The following BAG4 variants were observed in gnomAD, a reference collection of about 807,000 sequenced individuals.
BAG4 encodes the protein BAG cochaperone 4.
Under a neutral mutation model 52.1 loss-of-function variants are expected in BAG4, and 28 were observed. The observed-to-expected ratio is 0.54, with a 90% CI of 0.40 to 0.74. BAG4 has a LOEUF of 0.74. Ranked by LOEUF, BAG4 falls within the 30% of genes least tolerant of loss-of-function variation. The probability of loss-of-function intolerance (pLI) is 0.00; values close to 1 mark genes in which losing one functional copy is unlikely to be tolerated. For synonymous variants in BAG4, 208 were observed against 217.0 expected, an observed-to-expected ratio of 0.96 and a Z score of 0.37; for missense variants, 525 against 572.0, an observed-to-expected ratio of 0.92 and a Z score of 0.84.
chr8:38,200,991 C>CA (rs1365091433), intron 2 of BAG4, among the ~76,000 whole-genome samples: 1 of 152,168 alleles, frequency 6.6e-6, no homozygotes, highest in Non-Finnish European at 1.5e-5. Context: ...AGACAAAACT[C>CA]ATAGTCATGA....
intron 2 of BAG4, among the ~76,000 whole-genome samples, chr8:38,194,378 A>C (rs1803526861): frequency 7.3e-6 from 1 of 136,794 alleles, no homozygotes; most frequent in Admixed American, 7.5e-5. Flanking sequence ...GAATTTCCTT[A>C]GGGTCTGGAA....
chr8:38,176,920 C>T lies in BAG4; in HGVS notation c.51C>T (p.Tyr17=), dbSNP rs1483081481. 7.7e-6 allele frequency: 12 copies of T among 1,550,342 alleles called. No homozygotes were observed. In the East Asian group the frequency reaches 1.9e-4, roughly 25 times the overall value. Residue 17 remains tyrosine, a synonymous_variant, in exon 1 of 5, where the codon TAC becomes TAT. Transcript: ENST00000287322. ...ACGGCCCCAGTGACGGTCCGTCCTACGGCCGCTACTACGGGCCTGGGGGTG... is the reference window on the plus strand; with the variant it reads ...ACGGCCCCAGTGACGGTCCGTCCTATGGCCGCTACTACGGGCCTGGGGGTG... ...SGYGPSDGPS[Y]GRYYGPGGGD... is the part of the protein sequence containing the mutation.
intron 2 of BAG4, among the ~76,000 whole-genome samples, chr8:38,205,333 A>G (rs926601175): frequency 2.0e-5 from 3 of 146,392 alleles, no homozygotes; most frequent in East Asian, 2.1e-4. Context: ...TTTTACAGGC[A>G]TGAGTCTGTG....
intron 2 of BAG4, chr8:38,201,973 C>T (rs1436937521): frequency 7.2e-6 from 1 of 139,316 alleles, no homozygotes; most frequent in African/African-American, 2.7e-5. Context: ...CTGCCATGTG[C>T]CAGGTGCAGT....
At chr8:38,206,094 CCT>C (rs1803765903) in intron 2 of BAG4, among the ~76,000 whole-genome samples, 1 of 149,688 alleles carries the variant, frequency 6.7e-6, no homozygotes, top group African/African-American at 2.4e-5. Flanking sequence ...TCGAGACCAG[CCT>C]GGCCAAGATG....
intron 1 of BAG4, among the ~76,000 whole-genome samples, chr8:38,184,144 G>A (rs187570429): frequency 1.3e-5 from 2 of 152,266 alleles, no homozygotes; most frequent in Admixed American, 1.3e-4. Flanking sequence ...GGAATAAAGG[G>A]AAGAGGTTGG....
chr8:38,196,368 T>C (rs1196544684), intron 2 of BAG4, among the ~76,000 whole-genome samples: 2 of 152,034 alleles, frequency 1.3e-5, no homozygotes, highest in African/African-American at 4.8e-5. Flanking sequence ...AAAAAATTAT[T>C]ATAGGCCGGG....
At position 38,210,433 on chromosome 8, in the gene BAG4, A is replaced by G. The variant is rs776984871; in HGVS notation, c.1314A>G (p.Arg438=). The change falls in exon 5 of 5, where the codon AGA becomes AGG. Residue 438 remains arginine, a synonymous_variant. Coordinates refer to ENST00000287322, the MANE Select transcript of BAG4 (RefSeq NM_004874.4). The stretch of plus-strand genomic sequence containing the variant: ...GCCAGGACTCTGTACGGCAGGCCAG[A>G]AAAGAGGCTGTTTGTAAGATTCAGG... The part of the protein sequence containing the change: ...TGGQDSVRQA[R]KEAVCKIQAI... 15 of 1,602,808 alleles carry G rather than the reference A, an allele frequency of 9.4e-6. No individual in the cohort carries two copies. In the South Asian group the frequency reaches 1.7e-4, roughly 18 times the overall value.
chr8:38,187,833 T>C (rs904686566), intron 1 of BAG4, among the ~76,000 whole-genome samples: 1 of 121,350 alleles, frequency 8.2e-6, no homozygotes, highest in Non-Finnish European at 1.7e-5. Context: ...CCATTCTGGC[T>C]AACATGGTGA....
chr8:38,193,676 C>T (rs572160023), intron 2 of BAG4, among the ~76,000 whole-genome samples: 1 of 151,790 alleles, frequency 6.6e-6, no homozygotes, highest in South Asian at 2.1e-4. Context: ...AGTGATTCTC[C>T]TGCCTCAGCC....
At chr8:38,191,760 CA>C (rs35851034) in intron 1 of BAG4, among the ~76,000 whole-genome samples, 18,682 of 72,794 alleles carry the variant, frequency 0.26, 549 homozygotes, top group Middle Eastern at 0.32. Flanking sequence ...AACTCTGTCT[CA>C]AAAAAAAAAA....
At chr8:38,194,339 C>T (rs965666018) in intron 2 of BAG4, among the ~76,000 whole-genome samples, 1 of 149,168 alleles carries the variant, frequency 6.7e-6, no homozygotes, top group Non-Finnish European at 1.5e-5. Flanking sequence ...CGTTGGTTTT[C>T]ATCTTTCTGT....
At chr8:38,180,522 CAAAAAAA>C (rs1161178024) in intron 1 of BAG4, among the ~76,000 whole-genome samples, 17 of 26,492 alleles carry the variant, frequency 6.4e-4, no homozygotes, top group African/African-American at 1.5e-3. Flanking sequence ...GACTCCGTCT[CAAAAAAA>C]AAAAAAAAAA....
chr8:38,207,822 C>A, intron 3 of BAG4, 56 bp downstream of exon 3: 1 of 1,589,172 alleles, frequency 6.3e-7, no homozygotes, highest in Admixed American at 1.7e-5. Context: ...CTCTTGTAAA[C>A]AGTGGAAGAG....
chr8:38,203,947 A>G (rs538804467), intron 2 of BAG4: 4 of 152,062 alleles, frequency 2.6e-5, no homozygotes, highest in African/African-American at 9.6e-5. Context: ...AAGTGACTCC[A>G]TCTTGGCATT....
chr8:38,203,634 A>G (rs1008030129), intron 2 of BAG4, among the ~76,000 whole-genome samples: 5 of 152,012 alleles, frequency 3.3e-5, no homozygotes, highest in Admixed American at 6.6e-5. Context: ...GACAAGCAAG[A>G]TGAGTAGGGC....
chr8:38,201,732 C>T (rs1400480845), intron 2 of BAG4: 1 of 150,216 alleles, frequency 6.7e-6, no homozygotes, highest in Non-Finnish European at 1.5e-5. Context: ...CATGGTCATT[C>T]TTCTGTTTGG....
chr8:38,184,615 G>GC (rs1803332381), intron 1 of BAG4, among the ~76,000 whole-genome samples: 1 of 152,206 alleles, frequency 6.6e-6, no homozygotes, highest in South Asian at 2.1e-4. Context: ...ACTGACTGCT[G>GC]CGTACAGGTT....
rs769161822 is a variant in BAG4, at chr8:38,210,428, G to T, written c.1309G>T (p.Ala437Ser). 3 of 1,603,566 alleles carry T rather than the reference G, an allele frequency of 1.9e-6. No homozygotes were observed. The change falls in exon 5 of 5, where the codon GCC becomes TCC. Residue 437 changes from alanine to serine, a missense_variant. Ala to Ser is a moderately conservative substitution (Grantham distance 99). This residue lies in a region of BAG4 where 238 missense variants were observed against 305.8 expected (regional missense o/e 0.78). Coordinates refer to ENST00000287322, the MANE Select transcript of BAG4 (RefSeq NM_004874.4). ...TGGGGGCCAGGACTCTGTACGGCAG[G>T]CCAGAAAAGAGGCTGTTTGTAAGAT... ...ETGGQDSVRQ[A>S]RKEAVCKIQA...
Sources: gnomAD v4.1 joint callset for allele counts (sites outside exome capture counted in the v4.1 genomes callset) on GRCh38, gnomAD v4.1.1 for gene constraint, gnomAD v4.1.1 regional missense constraint, MANE v1.5 for transcripts, NCBI Gene and HGNC (gene_info 2026-07-23, HGNC 2026-07-21) for gene names.